Variants in TMEM255B observed in about 807,000 individuals in gnomAD.
TMEM255B encodes transmembrane protein 255B.
In TMEM255B, 35 loss-of-function variants were observed where a neutral mutation model predicts 34.5. That is an observed-to-expected ratio of 1.01 (90% CI 0.77 to 1.34). The LOEUF (loss-of-function observed/expected upper bound fraction) is 1.34, where lower values mean the gene tolerates loss of function less well. TMEM255B is among the 40% of genes most tolerant of loss of function. The pLI, the probability that TMEM255B is intolerant of heterozygous loss-of-function variation, is 0.00. For missense variants in TMEM255B, 432 were observed against 433.2 expected, an observed-to-expected ratio of 1.00 and a Z score of 0.02; for synonymous variants, 206 against 201.2, an observed-to-expected ratio of 1.02 and a Z score of -0.20.
intron 2 of TMEM255B, among the ~76,000 whole-genome samples, chr13:113,766,889 G>T (rs1356463386): frequency 6.6e-6 from 1 of 152,176 alleles, no homozygotes; most frequent in Non-Finnish European, 1.5e-5. Flanking sequence ...GCAAGAATTG[G>T]TCACCCAGAT....
chr13:113,761,843 T>C (rs1262054996), intron 1 of TMEM255B, among the ~76,000 whole-genome samples: 1 of 152,158 alleles, frequency 6.6e-6, no homozygotes, highest in South Asian at 2.1e-4. Flanking sequence ...GTCTATGTCC[T>C]CATCTGAGCC....
chr13:113,803,662 C>T lies in TMEM255B; in HGVS notation c.670-1223C>T, dbSNP rs919793407. 5.9e-5 allele frequency among the ~76,000 whole-genome samples: 7 copies of T among 118,466 alleles called. 1 individual carries two copies. The highest frequency in any genetic ancestry group is 2.0e-4 in the African/African-American group (7 of 34,448). The allele number at this position is 118,466 out of a possible 152,430, so 77.7% of individuals were successfully genotyped here. On this transcript the variant is annotated intron_variant, in intron 7 of 8. Coordinates refer to ENST00000375353, the MANE Select transcript of TMEM255B (RefSeq NM_182614.4). ...TCTCCTGCCCCTCCCTCACGGAGCA[C>T]GACCCTCCATGCCCATCCAACCTCC...
chr13:113,763,948 C>G (rs2050347952), intron 1 of TMEM255B, among the ~76,000 whole-genome samples: 1 of 152,236 alleles, frequency 6.6e-6, no homozygotes, highest in Non-Finnish European at 1.5e-5. Flanking sequence ...AGAGGCGGAG[C>G]TGGAGGAGGC....
chr13:113,808,879 G>A (rs1213691858), intron 8 of TMEM255B, among the ~76,000 whole-genome samples: 1 of 140,722 alleles, frequency 7.1e-6, no homozygotes, highest in Admixed American at 7.2e-5. Context: ...TTATGCTGTG[G>A]TTCCTGGGGG....
At chr13:113,786,350 G>A (rs962692287) in intron 3 of TMEM255B, among the ~76,000 whole-genome samples, 25 of 148,960 alleles carry the variant, frequency 1.7e-4, no homozygotes, top group Non-Finnish European at 2.7e-4. Context: ...CATCACTGTC[G>A]TCACTGTAAT....
At position 113,797,855 on chromosome 13, in the gene TMEM255B, T is replaced by A. The variant is rs947576958; in HGVS notation, c.343-1484T>A. On this transcript the variant is annotated intron_variant, in intron 4 of 8. Coordinates refer to ENST00000375353, the MANE Select transcript of TMEM255B (RefSeq NM_182614.4). ...TGATGCAGTTTTGTGGCATTTTAGT[T>A]TTGGTACTTCCTGCTGTCCTCTACC... 3.9e-5 allele frequency among the ~76,000 whole-genome samples: 6 copies of A among 152,332 alleles called. No homozygotes were observed. In the South Asian group the frequency reaches 1.2e-3, roughly 32 times the overall value.
At chr13:113,786,834 C>T (rs1037875973) in intron 3 of TMEM255B, among the ~76,000 whole-genome samples, 1 of 152,184 alleles carries the variant, frequency 6.6e-6, no homozygotes, top group African/African-American at 2.4e-5. Flanking sequence ...TCTCATTTCT[C>T]GGTCTGGGCT....
intron 2 of TMEM255B, chr13:113,768,813 G>T: frequency 3.8e-6 from 2 of 528,398 alleles, no homozygotes; most frequent in Non-Finnish European, 7.5e-6. Context: ...TGTTGTCTCT[G>T]GGGGAGGAGT....
At position 113,813,235 on chromosome 13, in the gene TMEM255B, T is replaced by G. The variant is rs1383147940; in HGVS notation, c.*1332T>G. 6.6e-6 allele frequency: 1 copy of G among 152,250 alleles called. No individual in the cohort carries two copies. Among genetic ancestry groups the G allele is most frequent in the Non-Finnish European group, 1.5e-5 (1 of 68,078 alleles). 9.4% of individuals were successfully genotyped at this position (152,250 alleles called of 1,614,324 possible). ...CCACAAGACACCAAGTCGCCGTCTC[T>G]GCTCTGTGGGCCGCTCACGGTTCCC... is the stretch of plus-strand genomic sequence containing the variant. On this transcript the variant is annotated 3_prime_UTR_variant, in exon 9 of 9. Transcript: ENST00000375353.
intron 2 of TMEM255B, 93 bp downstream of exon 2, chr13:113,766,350 G>T (rs1206666668): frequency 3.8e-6 from 6 of 1,574,988 alleles, no homozygotes; most frequent in East Asian, 4.5e-5. Flanking sequence ...CAGGGCTGGG[G>T]CTGAAGGTGG....
Position 113,770,571 on chromosome 13 carries a change from A to G in TMEM255B, c.252+1411A>G, listed in dbSNP as rs1419206041. 1.3e-5 allele frequency among the ~76,000 whole-genome samples: 2 copies of G among 152,314 alleles called. No homozygotes were observed. Among genetic ancestry groups the G allele is most frequent in the East Asian group, 1.9e-4 (1 of 5,176 alleles). On this transcript the variant is annotated intron_variant, in intron 3 of 8. Coordinates refer to ENST00000375353, the MANE Select transcript of TMEM255B (RefSeq NM_182614.4). This position sits in a 1 kb window ranked among gnomAD's most constrained non-coding sequence, Gnocchi z 4.6. ...TGGAGCAAAGCGTTCTGTTCTGCATAGTAGAGACAGTGTGCACTGCAGGGT... is the reference window on the plus strand; with the variant it reads ...TGGAGCAAAGCGTTCTGTTCTGCATGGTAGAGACAGTGTGCACTGCAGGGT...
intron 3 of TMEM255B, among the ~76,000 whole-genome samples, chr13:113,774,927 C>T (rs1396173430): frequency 6.7e-6 from 1 of 149,740 alleles, no homozygotes; most frequent in Non-Finnish European, 1.5e-5. Context: ...CAATACACTA[C>T]TCACACCACA....
At chr13:113,791,989 A>G (rs9550254) in intron 3 of TMEM255B, among the ~76,000 whole-genome samples, 114,363 of 152,170 alleles carry the variant, frequency 0.75, 43,462 homozygotes, top group East Asian at 0.86. Context: ...GCACTGCGGG[A>G]CAGGAACATC....
chr13:113,795,014 G>A, intron 3 of TMEM255B, 134 bp from the exon 4 acceptor site: 1 of 776,112 alleles, frequency 1.3e-6, no homozygotes, highest in Non-Finnish European at 2.1e-6. Context: ...GGAAGTCATA[G>A]GACGAAAGGT....
intron 1 of TMEM255B, among the ~76,000 whole-genome samples, chr13:113,765,718 G>A (rs986865574): frequency 2.6e-5 from 4 of 152,174 alleles, no homozygotes; most frequent in African/African-American, 7.2e-5. Flanking sequence ...TGGGATAGGC[G>A]GATAGAGAGG....
rs1566329909 is a variant in TMEM255B at position 113,803,918 on chromosome 13, C to CTGGGT, written c.670-967_670-966insTGGGT. On this transcript the variant is annotated intron_variant, in intron 7 of 8. Coordinates refer to ENST00000375353, the MANE Select transcript of TMEM255B (RefSeq NM_182614.4). Reference sequence around the variant, plus strand: ...CTGTCCCGGGGTTTTCACCGTGTCCCCGGGTTGTCACCGTGTCCCCGGGTC... The same window carrying CTGGGT: ...CTGTCCCGGGGTTTTCACCGTGTCCCTGGGTCGGGTTGTCACCGTGTCCCCGGGTC... Among the ~76,000 whole-genome samples, 61 of 151,338 alleles carry CTGGGT rather than the reference C, an allele frequency of 4.0e-4. No homozygotes were observed. In the East Asian group the frequency reaches 8.5e-3, roughly 21 times the overall value.
At position 113,812,947 on chromosome 13, in the gene TMEM255B, C is replaced by G. The variant is rs1387612384; in HGVS notation, c.*1044C>G. The G allele has an allele frequency of 6.7e-6, 1 of 149,332 alleles. No homozygotes were observed. Among genetic ancestry groups the G allele is most frequent in the African/African-American group, 2.5e-5 (1 of 39,498 alleles). The allele number at this position is 149,332 out of a possible 1,614,324, so 9.3% of individuals were successfully genotyped here. On this transcript the variant is annotated 3_prime_UTR_variant, in exon 9 of 9. Transcript: ENST00000375353. ...CACGGGTCCCGGGTGGGTCACGGGTCCCGGGTGGGTCACGGGCCCCGGGTG... is the reference window on the plus strand; with the variant it reads ...CACGGGTCCCGGGTGGGTCACGGGTGCCGGGTGGGTCACGGGCCCCGGGTG...
At chr13:113,799,668 T>G in intron 5 of TMEM255B, 1 of 656,972 alleles carries the variant, frequency 1.5e-6, no homozygotes, top group Non-Finnish European at 2.8e-6. Flanking sequence ...AGAGTGCACG[T>G]GTCCAGTTCT....
At chr13:113,799,780 C>G (rs1189024201) in intron 5 of TMEM255B, 1 of 667,970 alleles carries the variant, frequency 1.5e-6, no homozygotes, top group Non-Finnish European at 2.8e-6. Flanking sequence ...TTCCCTGAGC[C>G]ACCGACAGCG....
Sources: gnomAD v4.1 joint callset for allele counts (sites outside exome capture counted in the v4.1 genomes callset) on GRCh38, gnomAD v4.1.1 for gene constraint, Gnocchi (gnomAD v3.1) non-coding constraint, MANE v1.5 for transcripts, NCBI Gene and HGNC (gene_info 2026-07-23, HGNC 2026-07-21) for gene names.